Variants in SH3GLB1 observed in about 807,000 individuals in gnomAD.
The protein encoded by SH3GLB1 is SH3 domain containing GRB2 like, endophilin B1.
In SH3GLB1, 17 loss-of-function variants were observed where a neutral mutation model predicts 42.0. That is an observed-to-expected ratio of 0.40 (90% CI 0.28 to 0.61). The LOEUF is 0.61. Ranked by LOEUF, SH3GLB1 falls within the 20% of genes least tolerant of loss-of-function variation. The pLI, the probability that SH3GLB1 is intolerant of heterozygous loss-of-function variation, is 0.36. For synonymous variants in SH3GLB1, 132 were observed against 146.6 expected (o/e 0.90, Z 0.72); for missense variants, 355 against 426.3 (o/e 0.83, Z 1.47).
At position 86,704,850 on chromosome 1, in the gene SH3GLB1, T is replaced by C. The variant is rs1570397581; in HGVS notation, c.-50T>C. ...TGCGCCCCAGCCCGGCCGCGGCACC[T>C]CCGCCTCGCCGCCGCTAGGTCGGCC... On this transcript the variant is annotated 5_prime_UTR_variant, in exon 1 of 9. Transcript: ENST00000370558. 7.3e-6 allele frequency: 10 copies of C among 1,375,020 alleles called. No individual in the cohort carries two copies. Among genetic ancestry groups the C allele is most frequent in the East Asian group, 2.8e-5 (1 of 35,122 alleles). The allele number at this position is 1,375,020 out of a possible 1,614,324, so 85.2% of individuals were successfully genotyped here.
intron 7 of SH3GLB1, among the ~76,000 whole-genome samples, chr1:86,741,835 T>G (rs1185728463): frequency 6.6e-6 from 1 of 152,186 alleles, no homozygotes; most frequent in Non-Finnish European, 1.5e-5. Context: ...CTCATACTTG[T>G]AGTATCTAAT....
intron 7 of SH3GLB1, among the ~76,000 whole-genome samples, chr1:86,739,095 G>A (rs1411558150): frequency 6.6e-6 from 1 of 152,196 alleles, no homozygotes; most frequent in Non-Finnish European, 1.5e-5. Flanking sequence ...AGTTTGAGAT[G>A]TCTCTTAAAC....
rs578251745 is a variant in SH3GLB1, at chr1:86,744,516, G to C, written c.*1281G>C. 1 of 152,322 alleles carries C rather than the reference G, an allele frequency of 6.6e-6. No individual in the cohort carries two copies. The highest frequency in any genetic ancestry group is 2.1e-4 in the South Asian group (1 of 4,828). The allele number at this position is 152,322 out of a possible 1,614,324, so 9.4% of individuals were successfully genotyped here. On this transcript the variant is annotated 3_prime_UTR_variant, in exon 9 of 9. Coordinates refer to ENST00000370558, the MANE Select transcript of SH3GLB1 (RefSeq NM_016009.5). ...TGTATTTGGGAGTCATGTAACTCCA[G>C]TTTTGGGAGTGAGAGAGGGTCTGGG...
chr1:86,726,726 G>C (rs553947491), intron 5 of SH3GLB1, among the ~76,000 whole-genome samples: 1 of 152,000 alleles, frequency 6.6e-6, no homozygotes, highest in African/African-American at 2.4e-5. Flanking sequence ...TAGCAGTTAA[G>C]TCTGAAATAC....
intron 1 of SH3GLB1, among the ~76,000 whole-genome samples, chr1:86,709,723 T>G (rs2101912294): frequency 6.6e-6 from 1 of 152,360 alleles, no homozygotes; most frequent in East Asian, 1.9e-4. Context: ...CATTTTAATT[T>G]TCTAACATTT....
chr1:86,718,039 G>C (rs895290863), intron 2 of SH3GLB1, among the ~76,000 whole-genome samples: 1 of 147,884 alleles, frequency 6.8e-6, no homozygotes, highest in Non-Finnish European at 1.5e-5. Flanking sequence ...AAAACACAAA[G>C]CTGTTTTTTT....
At chr1:86,725,724 T>C (rs561405557) in intron 5 of SH3GLB1, among the ~76,000 whole-genome samples, 1 of 152,294 alleles carries the variant, frequency 6.6e-6, no homozygotes, top group East Asian at 1.9e-4. Context: ...GGTTGAAAAT[T>C]GGTTTAGAGT....
intron 1 of SH3GLB1, among the ~76,000 whole-genome samples, chr1:86,715,401 G>C (rs181082818): frequency 6.6e-6 from 1 of 152,266 alleles, no homozygotes; most frequent in East Asian, 1.9e-4. Context: ...CGTTATCCTA[G>C]TCTACCTAGG....
chr1:86,741,274 G>GA (rs902634325), intron 7 of SH3GLB1, among the ~76,000 whole-genome samples: 1 of 152,132 alleles, frequency 6.6e-6, no homozygotes, highest in Non-Finnish European at 1.5e-5. Flanking sequence ...CTCGTGAAGA[G>GA]AAAAGAGGAC....
intron 7 of SH3GLB1, among the ~76,000 whole-genome samples, chr1:86,740,226 A>G (rs1655991148): frequency 6.6e-6 from 1 of 152,080 alleles, no homozygotes; most frequent in Non-Finnish European, 1.5e-5. Context: ...AACTGAGTGT[A>G]ATGGTTATGG....
intron 1 of SH3GLB1, among the ~76,000 whole-genome samples, chr1:86,707,395 G>C (rs373193047): frequency 6.6e-6 from 1 of 152,160 alleles, no homozygotes; most frequent in East Asian, 1.9e-4. Context: ...CGTAAAAGGC[G>C]ATTGTAACTT....
At chr1:86,713,618 G>A (rs534728543) in intron 1 of SH3GLB1, among the ~76,000 whole-genome samples, 1 of 152,172 alleles carries the variant, frequency 6.6e-6, no homozygotes, top group South Asian at 2.1e-4. Context: ...TACCTACTCA[G>A]AGATGCTGTT....
intron 2 of SH3GLB1, 60 bp downstream of exon 2, chr1:86,715,925 A>C: frequency 2.6e-6 from 4 of 1,542,666 alleles, no homozygotes; most frequent in East Asian, 4.7e-5. Context: ...AAATGTTAAA[A>C]AAAAAAGTTT....
intron 1 of SH3GLB1, among the ~76,000 whole-genome samples, chr1:86,707,408 A>G (rs986071359): frequency 2.0e-5 from 3 of 152,208 alleles, no homozygotes; most frequent in Non-Finnish European, 4.4e-5. Flanking sequence ...TGTAACTTAG[A>G]TTACAGTGGT....
chr1:86,719,798 A>G (rs569827148), intron 3 of SH3GLB1, among the ~76,000 whole-genome samples, 163 bp downstream of exon 3: 2 of 152,108 alleles, frequency 1.3e-5, no homozygotes, highest in Admixed American at 6.6e-5. Flanking sequence ...GATCGAGACT[A>G]TCCTGGCTAA....
chr1:86,707,742 C>T (rs879037960), intron 1 of SH3GLB1, among the ~76,000 whole-genome samples: 12 of 151,184 alleles, frequency 7.9e-5, no homozygotes, highest in African/African-American at 2.2e-4. Context: ...TTCGCCTCCC[C>T]GATTCAAGCC....
chr1:86,735,579 C>T (rs1346123502), intron 7 of SH3GLB1, among the ~76,000 whole-genome samples: 1 of 152,086 alleles, frequency 6.6e-6, no homozygotes, highest in Non-Finnish European at 1.5e-5. Flanking sequence ...TAGAATATTT[C>T]GTAAGACCTC....
At chr1:86,741,251 A>G (rs2101989563) in intron 7 of SH3GLB1, among the ~76,000 whole-genome samples, 1 of 152,312 alleles carries the variant, frequency 6.6e-6, no homozygotes, top group Admixed American at 6.5e-5. Flanking sequence ...AATGATTTCC[A>G]GATGGTATAG....
chr1:86,710,953 G>A (rs1654174970), intron 1 of SH3GLB1, among the ~76,000 whole-genome samples: 1 of 152,162 alleles, frequency 6.6e-6, no homozygotes, highest in African/African-American at 2.4e-5. Context: ...CAATATATGA[G>A]CTACACCCCA....
Sources: gnomAD v4.1 joint callset for allele counts (sites outside exome capture counted in the v4.1 genomes callset) on GRCh38, gnomAD v4.1.1 for gene constraint, MANE v1.5 for transcripts, NCBI Gene and HGNC (gene_info 2026-07-23, HGNC 2026-07-21) for gene names.